The following ANKS6 variants were observed in gnomAD, a reference collection of about 807,000 sequenced individuals.
The protein encoded by ANKS6 is ankyrin repeat and sterile alpha motif domain containing 6, also known as ankyrin repeat and SAM domain-containing protein 6.
Under a neutral mutation model 77.9 loss-of-function variants are expected in ANKS6, and 47 were observed. That is an observed-to-expected ratio of 0.60 (90% CI 0.48 to 0.77). The LOEUF (loss-of-function observed/expected upper bound fraction) is 0.77, where lower values mean the gene tolerates loss of function less well. Ranked by LOEUF, ANKS6 falls within the 30% of genes least tolerant of loss-of-function variation. ANKS6 has a pLI of 0.00. For missense variants in ANKS6, 1,150 were observed against 1,159.1 expected, an observed-to-expected ratio of 0.99 and a Z score of 0.11; for synonymous variants, 488 against 501.7, an observed-to-expected ratio of 0.97 and a Z score of 0.37.
At chr9:98,766,781 A>G (rs766516639) in intron 11 of ANKS6, among the ~76,000 whole-genome samples, 10 of 152,226 alleles carry the variant, frequency 6.6e-5, no homozygotes, top group Non-Finnish European at 1.3e-4. Context: ...TTTCTCATAC[A>G]GTACATGTAC....
chr9:98,774,344 G>A (rs1241308524), intron 8 of ANKS6, among the ~76,000 whole-genome samples: 1 of 152,220 alleles, frequency 6.6e-6, no homozygotes, highest in Non-Finnish European at 1.5e-5. Context: ...GCGCCAAGGA[G>A]AAGCAGATGA....
At chr9:98,784,179 C>G in intron 3 of ANKS6, 22 bp from the exon 4 acceptor site, 1 of 1,505,836 alleles carries the variant, frequency 6.6e-7, no homozygotes, top group South Asian at 1.3e-5. Context: ...AGCAGGAGTC[C>G]GGGTGAACTG....
At chr9:98,760,781 T>C (rs184317165) in intron 11 of ANKS6, among the ~76,000 whole-genome samples, 1 of 125,568 alleles carries the variant, frequency 8.0e-6, no homozygotes, top group Non-Finnish European at 1.8e-5. Context: ...TGTACTACAA[T>C]TAGTTTATCT....
chr9:98,737,776 A>C lies in ANKS6; in HGVS notation c.2512-1153T>G, dbSNP rs371318203. Among the ~76,000 whole-genome samples, 36 of 152,354 alleles carry C rather than the reference A, an allele frequency of 2.4e-4. 1 individual carries two copies. In the South Asian group the frequency reaches 7.5e-3, roughly 32 times the overall value. ...ACTGAAAAAGAGCCCGCGTAGCCAA[A>C]GCAAGAATAAGCAAAAAGAACAAAT... On this transcript the variant is annotated intron_variant, in intron 14 of 14. Coordinates refer to ENST00000353234, the MANE Select transcript of ANKS6 (RefSeq NM_173551.5).
In ANKS6 at chr9:98,733,965, C is replaced by A; in HGVS notation, c.*2554G>T. The A allele has an allele frequency of 1.0e-6, 1 of 985,298 alleles. No homozygotes were observed. Among genetic ancestry groups the A allele is most frequent in the Non-Finnish European group, 1.2e-6 (1 of 829,916 alleles). The allele number at this position is 985,298 out of a possible 1,614,324, so 61.0% of individuals were successfully genotyped here. On this transcript the variant is annotated 3_prime_UTR_variant, in exon 15 of 15. Coordinates refer to ENST00000353234, the MANE Select transcript of ANKS6 (RefSeq NM_173551.5). Reference sequence around the variant, plus strand: ...GGAACAGCCACAGGCAGGCTGGGGACACGTGTGGGAAGGGAAGGGGGTGAT... The same window carrying A: ...GGAACAGCCACAGGCAGGCTGGGGAAACGTGTGGGAAGGGAAGGGGGTGAT...
intron 12 of ANKS6, 145 bp from the exon 13 acceptor site, chr9:98,751,241 C>T (rs1832414863): frequency 1.4e-6 from 1 of 695,000 alleles, no homozygotes; most frequent in Non-Finnish European, 2.4e-6. Flanking sequence ...CAGCTGGACT[C>T]CTGCAGATGA....
At chr9:98,752,170 G>T (rs1400546917) in intron 12 of ANKS6, among the ~76,000 whole-genome samples, 1 of 152,228 alleles carries the variant, frequency 6.6e-6, no homozygotes, top group Non-Finnish European at 1.5e-5. Flanking sequence ...CAAGGTAAAT[G>T]ACAGCATTTC....
Position 98,774,072 on chromosome 9 carries a change from G to A in ANKS6, c.1626C>T (p.Asn542=), listed in dbSNP as rs545980320. ...EDTLLTTMLR[N]GAPLTRLPSD... The stretch of plus-strand genomic sequence containing the variant: ...TCGGGAGTCTGGTGAGGGGAGCTCC[G>A]TTTCGAAGCTGAAAAAGACAGGCTG... The change falls in exon 9 of 15, where the codon AAC becomes AAT. Residue 542 remains asparagine (N), a synonymous_variant. Coordinates refer to ENST00000353234, the MANE Select transcript of ANKS6 (RefSeq NM_173551.5). 9 of 1,481,366 alleles carry A rather than the reference G, an allele frequency of 6.1e-6. No individual in the cohort carries two copies. The highest frequency in any genetic ancestry group is 2.8e-5 in the South Asian group (2 of 72,302). 91.8% of individuals were successfully genotyped at this position (1,481,366 alleles called of 1,614,324 possible).
intron 1 of ANKS6, 185 bp downstream of exon 1, chr9:98,795,948 T>A: frequency 1.7e-6 from 1 of 578,282 alleles, no homozygotes. Flanking sequence ...TCTGATTTTA[T>A]GTTAATTCAA....
Position 98,734,664 on chromosome 9 carries a change from T to G in ANKS6, c.*1855A>C. 1 of 936,038 alleles carries G rather than the reference T, an allele frequency of 1.1e-6. No homozygotes were observed. The allele number at this position is 936,038 out of a possible 1,614,324, so 58.0% of individuals were successfully genotyped here. On this transcript the variant is annotated 3_prime_UTR_variant, in exon 15 of 15. Coordinates refer to ENST00000353234, the MANE Select transcript of ANKS6 (RefSeq NM_173551.5). ...CTTCTGGGCTGTTTAACTGGCAAGC[T>G]GCTTCCCTCTCCTAAGCATCCGTTT...
intron 4 of ANKS6, among the ~76,000 whole-genome samples, 161 bp from the exon 5 acceptor site, chr9:98,782,734 A>T (rs1834345053): frequency 6.6e-6 from 1 of 152,312 alleles, no homozygotes. Context: ...GCACGTGGGC[A>T]GGTCAAGCGG....
At chr9:98,776,565 TA>T (rs754670639) in intron 8 of ANKS6, among the ~76,000 whole-genome samples, 34 of 152,216 alleles carry the variant, frequency 2.2e-4, no homozygotes, top group Admixed American at 9.8e-4. Context: ...CATGCCCAGC[TA>T]ATTTTTGTAT....
At chr9:98,768,595 C>CTGCA (rs1833440370) in intron 10 of ANKS6, among the ~76,000 whole-genome samples, 1 of 152,216 alleles carries the variant, frequency 6.6e-6, no homozygotes, top group Admixed American at 6.5e-5. Flanking sequence ...AGAAGCCCCT[C>CTGCA]TGCAGAGCCG....
At chr9:98,778,153 G>A (rs1033787436) in intron 7 of ANKS6, 73 bp downstream of exon 7, 8 of 1,529,904 alleles carry the variant, frequency 5.2e-6, no homozygotes, top group Non-Finnish European at 7.1e-6. Context: ...CAACCCAGGA[G>A]GTAGGATGAA....
chr9:98,733,714 T>A lies in ANKS6; in HGVS notation c.*2805A>T. ...TGGCCCTGTGAAGAGGCCTGACCCA[T>A]GCTGGCATGCTGAAGGTTGTGAGAG... On this transcript the variant is annotated 3_prime_UTR_variant, in exon 15 of 15. Coordinates refer to ENST00000353234, the MANE Select transcript of ANKS6 (RefSeq NM_173551.5). 1 of 985,472 alleles carries A rather than the reference T, an allele frequency of 1.0e-6. No homozygotes were observed. Among genetic ancestry groups the A allele is most frequent in the Non-Finnish European group, 1.2e-6 (1 of 829,970 alleles). 61.0% of individuals were successfully genotyped at this position (985,472 alleles called of 1,614,324 possible).
At chr9:98,739,165 GC>G (rs2131921016) in intron 14 of ANKS6, among the ~76,000 whole-genome samples, 1 of 151,766 alleles carries the variant, frequency 6.6e-6, no homozygotes, top group South Asian at 2.1e-4. Flanking sequence ...CATATAGGGG[GC>G]AGTGTATACT....
chr9:98,736,198 G>A lies in ANKS6; in HGVS notation c.*321C>T. On this transcript the variant is annotated 3_prime_UTR_variant, in exon 15 of 15. Transcript: ENST00000353234. ...CCATCGTCCCTTTCCCTTGCCGCCA[G>A]CCAGAAGCAAACTCTGAGGCTCCCG... is the stretch of plus-strand genomic sequence containing the variant. 1 of 1,183,514 alleles carries A rather than the reference G, an allele frequency of 8.4e-7. No individual in the cohort carries two copies. Among genetic ancestry groups the A allele is most frequent in the South Asian group, 3.5e-5 (1 of 28,642 alleles). The allele number at this position is 1,183,514 out of a possible 1,614,324, so 73.3% of individuals were successfully genotyped here.
In ANKS6 at chr9:98,733,265, G is replaced by A. The variant is rs1588302275; in HGVS notation, c.*3254C>T. 6 of 985,424 alleles carry A rather than the reference G, an allele frequency of 6.1e-6. No individual in the cohort carries two copies. In the East Asian group the frequency reaches 3.4e-4, roughly 56 times the overall value. The allele number at this position is 985,424 out of a possible 1,614,324, so 61.0% of individuals were successfully genotyped here. A position where few individuals can be genotyped will look rare whatever the true frequency, so the allele number is the denominator to read the frequency against. On this transcript the variant is annotated 3_prime_UTR_variant, in exon 15 of 15. Coordinates refer to ENST00000353234, the MANE Select transcript of ANKS6 (RefSeq NM_173551.5). ...GCTGGCCTCCATGTAATTTTGTGGC[G>A]CTGAAGAAGAGAGGCAGGAGCCCTC...
intron 12 of ANKS6, among the ~76,000 whole-genome samples, chr9:98,754,128 C>A (rs368520870): frequency 1.3e-4 from 20 of 152,178 alleles, no homozygotes; most frequent in African/African-American, 4.3e-4. Flanking sequence ...TGTCTGTATC[C>A]CTGTGAGTTC....
Sources: gnomAD v4.1 joint callset for allele counts (sites outside exome capture counted in the v4.1 genomes callset) on GRCh38, gnomAD v4.1.1 for gene constraint, MANE v1.5 for transcripts, NCBI Gene and HGNC (gene_info 2026-07-23, HGNC 2026-07-21) for gene names.